Variants in SLC24A2 observed in about 807,000 individuals in gnomAD.
SLC24A2 encodes sodium/potassium/calcium exchanger 2.
In SLC24A2, 36 loss-of-function variants were observed where a neutral mutation model predicts 62.0. The ratio of observed to expected loss-of-function variants is 0.58; its 90% CI spans 0.44 to 0.77. SLC24A2 has a LOEUF of 0.77. SLC24A2 is among the 30% of genes least tolerant of loss of function. SLC24A2 has a pLI of 0.00. For missense variants in SLC24A2, 846 were observed against 817.9 expected (o/e 1.03, Z -0.42); for synonymous variants, 358 against 294.0 (o/e 1.22, Z -2.23).
chr9:19,763,389 T>C (rs1469681134), intron 2 of SLC24A2, among the ~76,000 whole-genome samples: 1 of 152,240 alleles, frequency 6.6e-6, no homozygotes, highest in African/African-American at 2.4e-5. Flanking sequence ...ATCGTTGTCT[T>C]GTGCCAGTTT....
the SLC24A2 span, among the ~76,000 whole-genome samples, chr9:20,108,988 GTACCT>G: frequency 6.6e-6 from 1 of 152,142 alleles, no homozygotes; most frequent in African/African-American, 2.4e-5. Flanking sequence ...TATTTTAACT[GTACCT>G]TTTCCATGTT....
At chr9:19,669,738 C>A (rs576803473) in intron 2 of SLC24A2, among the ~76,000 whole-genome samples, 111 of 152,356 alleles carry the variant, frequency 7.3e-4, no homozygotes, top group African/African-American at 2.5e-3. Context: ...CTCTCCTCTT[C>A]TGCCTTAAGG....
the SLC24A2 span, among the ~76,000 whole-genome samples, chr9:20,241,839 G>T: frequency 6.6e-6 from 1 of 152,088 alleles, no homozygotes; most frequent in East Asian, 1.9e-4. Context: ...GAGCAGAGAT[G>T]CAAGACAGTA....
At chr9:19,605,304 G>A (rs955841740) in intron 4 of SLC24A2, among the ~76,000 whole-genome samples, 8 of 152,142 alleles carry the variant, frequency 5.3e-5, no homozygotes, top group African/African-American at 1.9e-4. Context: ...TTTTTAGTCT[G>A]CTGAACACCT....
At chr9:20,002,434 C>T in the SLC24A2 span, among the ~76,000 whole-genome samples, 1 of 148,088 alleles carries the variant, frequency 6.8e-6, no homozygotes, top group Non-Finnish European at 1.5e-5. Context: ...TAGCATAACA[C>T]CAGGAAAATC....
chr9:19,555,056 C>G (rs910666753), intron 7 of SLC24A2, among the ~76,000 whole-genome samples: 1 of 152,108 alleles, frequency 6.6e-6, no homozygotes, highest in Non-Finnish European at 1.5e-5. Flanking sequence ...TGTCAAAATG[C>G]AGGACTTAAC....
intron 2 of SLC24A2, among the ~76,000 whole-genome samples, chr9:19,653,539 G>C (rs191564780): frequency 6.6e-6 from 1 of 152,272 alleles, no homozygotes; most frequent in East Asian, 1.9e-4. Context: ...CATTCCAATA[G>C]CTTTCTTTCC....
chr9:20,083,240 C>T, the SLC24A2 span, among the ~76,000 whole-genome samples: 1 of 152,250 alleles, frequency 6.6e-6, no homozygotes, highest in African/African-American at 2.4e-5. Context: ...TTTTTAGCCT[C>T]TCAGCCTAGC....
At chr9:20,106,476 A>G in the SLC24A2 span, among the ~76,000 whole-genome samples, 1 of 152,264 alleles carries the variant, frequency 6.6e-6, no homozygotes, top group African/African-American at 2.4e-5. Flanking sequence ...CGAATCCAGC[A>G]GCACATCAAA....
chr9:20,128,973 G>C, the SLC24A2 span, among the ~76,000 whole-genome samples: 1,187 of 152,060 alleles, frequency 7.8e-3, 25 homozygotes, highest in African/African-American at 0.027. Context: ...TCTGTGCATC[G>C]ATGGATACTA....
chr9:19,980,439 G>A, the SLC24A2 span, among the ~76,000 whole-genome samples: 1 of 152,170 alleles, frequency 6.6e-6, no homozygotes, highest in Non-Finnish European at 1.5e-5. Flanking sequence ...TGCAGGGAAG[G>A]AAGTGACACT....
At chr9:20,275,643 T>C in the SLC24A2 span, among the ~76,000 whole-genome samples, 1 of 152,144 alleles carries the variant, frequency 6.6e-6, no homozygotes, top group Non-Finnish European at 1.5e-5. Context: ...ATATGTTGAT[T>C]GAGATATAGC....
the SLC24A2 span, among the ~76,000 whole-genome samples, chr9:20,090,868 T>C: frequency 1.1e-4 from 17 of 151,888 alleles, no homozygotes; most frequent in Non-Finnish European, 1.8e-4. Context: ...TTGACTGAAA[T>C]GACAGAAACA....
the SLC24A2 span, among the ~76,000 whole-genome samples, chr9:20,052,202 C>G: frequency 6.6e-6 from 1 of 152,152 alleles, no homozygotes; most frequent in Admixed American, 6.6e-5. Context: ...CTTAACATAA[C>G]CACTCTTCTC....
the SLC24A2 span, among the ~76,000 whole-genome samples, chr9:19,851,093 G>A: frequency 7.3e-6 from 1 of 136,098 alleles, no homozygotes; most frequent in African/African-American, 2.8e-5. Flanking sequence ...GCGTGATCTC[G>A]GCTCACCACA....
At chr9:20,202,188 G>A in the SLC24A2 span, among the ~76,000 whole-genome samples, 1 of 151,952 alleles carries the variant, frequency 6.6e-6, no homozygotes, top group Non-Finnish European at 1.5e-5. Context: ...CAGCAGTCAT[G>A]GTCCAAGTGA....
the SLC24A2 span, among the ~76,000 whole-genome samples, chr9:19,906,876 C>A: frequency 6.6e-6 from 1 of 152,176 alleles, no homozygotes; most frequent in East Asian, 1.9e-4. Flanking sequence ...GATGGATTCA[C>A]AGCCGAATTC....
the SLC24A2 span, among the ~76,000 whole-genome samples, chr9:20,019,133 GAAAGAAAGAAAGAA>G: frequency 5.6e-4 from 59 of 105,334 alleles, no homozygotes; most frequent in African/African-American, 2.1e-3. Context: ...AAGAAAGAAA[GAAAGAAAGAAAGAA>G]AGAAAGAAAG....
the SLC24A2 span, among the ~76,000 whole-genome samples, chr9:19,832,798 C>T: frequency 1.8e-4 from 27 of 152,244 alleles, no homozygotes; most frequent in African/African-American, 6.5e-4. Flanking sequence ...TCAGAGTGAA[C>T]AGGCAACCTA....
Sources: gnomAD v4.1 joint callset for allele counts (sites outside exome capture counted in the v4.1 genomes callset) on GRCh38, gnomAD v4.1.1 for gene constraint, MANE v1.5 for transcripts, NCBI Gene and HGNC (gene_info 2026-07-23, HGNC 2026-07-21) for gene names.